ADI1: variants seen among roughly 807,000 people sequenced by gnomAD.
The protein encoded by ADI1 is acireductone dioxygenase 1.
A neutral mutation model predicts 18.7 loss-of-function variants in ADI1; 21 were observed. The observed-to-expected ratio is 1.13, with a 90% CI of 0.80 to 1.62. The LOEUF (loss-of-function observed/expected upper bound fraction) is 1.62. ADI1 is among the 40% of genes most tolerant of loss of function. ADI1 has a pLI of 0.00. For synonymous variants in ADI1, 90 were observed against 100.1 expected, an observed-to-expected ratio of 0.90 and a Z score of 0.60; for missense variants, 245 against 254.9, an observed-to-expected ratio of 0.96 and a Z score of 0.26.
chr2:3,516,618 T>C, intron 1 of ADI1: 8 of 653,450 alleles, frequency 1.2e-5, no homozygotes, highest in Non-Finnish European at 1.5e-5. Flanking sequence ...CACCTTAATC[T>C]TGGACTTCTT....
chr2:3,500,887 C>T lies in ADI1; in HGVS notation c.347G>A (p.Arg116Gln), dbSNP rs764517683. The change falls in exon 3 of 4, where the codon CGG becomes CAG. Residue 116 changes from arginine to glutamine, a missense_variant. Coordinates refer to ENST00000327435, the MANE Select transcript of ADI1 (RefSeq NM_018269.4). Reference protein sequence around the residue: ...DVRDKEDQWIRIFMEKGDMVT... With the variant: ...DVRDKEDQWIQIFMEKGDMVT... ...CATGTCTCCCTTCTCCATGAAGATC[C>T]GGATCCACTGGTCCTCCTTGTCCCT... 22 of 1,614,240 alleles carry T rather than the reference C, an allele frequency of 1.4e-5. No homozygotes were observed. The highest frequency in any genetic ancestry group is 2.2e-5 in the East Asian group (1 of 44,888).
chr2:3,504,357 G>A (rs1200851737), intron 2 of ADI1, among the ~76,000 whole-genome samples: 1 of 152,206 alleles, frequency 6.6e-6, no homozygotes, highest in East Asian at 1.9e-4. Flanking sequence ...AGTAATTCCA[G>A]AAAACAGCAA....
In ADI1 at chr2:3,498,433, G is replaced by A. The variant is rs1185242290; in HGVS notation, c.*530C>T. 6.6e-6 allele frequency: 1 copy of A among 152,180 alleles called. No homozygotes were observed. The highest frequency in any genetic ancestry group is 2.4e-5 in the African/African-American group (1 of 41,394). 9.4% of individuals were successfully genotyped at this position (152,180 alleles called of 1,614,324 possible). On this transcript the variant is annotated 3_prime_UTR_variant, in exon 4 of 4. Transcript: ENST00000327435. ...AATATCACATATACCTGAATATAAG[G>A]TAACTCCAAGCCATGAGTATAAGAT...
chr2:3,504,796 G>C (rs35239575), intron 2 of ADI1, among the ~76,000 whole-genome samples: 1 of 150,866 alleles, frequency 6.6e-6, no homozygotes, highest in Non-Finnish European at 1.5e-5. Context: ...TTGTATTGTT[G>C]GTTCACCTGA....
intron 2 of ADI1, among the ~76,000 whole-genome samples, chr2:3,509,255 G>A (rs943863987): frequency 2.0e-5 from 3 of 152,102 alleles, no homozygotes; most frequent in Non-Finnish European, 4.4e-5. Flanking sequence ...AATACTAACA[G>A]TAATTGACAT....
intron 1 of ADI1, among the ~76,000 whole-genome samples, chr2:3,518,420 T>C (rs1286484667): frequency 6.6e-6 from 1 of 152,210 alleles, no homozygotes; most frequent in East Asian, 1.9e-4. Context: ...GGCCCTCTCT[T>C]TTGCAGTAAA....
chr2:3,500,012 C>T (rs969090020), intron 3 of ADI1, among the ~76,000 whole-genome samples: 15 of 151,510 alleles, frequency 9.9e-5, no homozygotes, highest in African/African-American at 3.4e-4. Flanking sequence ...TTGCATTGAG[C>T]CGAGATCAAG....
intron 2 of ADI1, among the ~76,000 whole-genome samples, chr2:3,511,903 C>CTTG (rs1667302237): frequency 6.6e-6 from 1 of 152,224 alleles, no homozygotes; most frequent in Admixed American, 6.5e-5. Context: ...CAGCAAAGAA[C>CTTG]TTGGCTGCAT....
intron 2 of ADI1, among the ~76,000 whole-genome samples, chr2:3,506,351 G>A (rs1214695177): frequency 6.6e-6 from 1 of 152,224 alleles, no homozygotes; most frequent in Non-Finnish European, 1.5e-5. Context: ...ATCATGGCAA[G>A]TTTGCAGGAT....
chr2:3,514,544 G>A (rs571838638), intron 1 of ADI1, among the ~76,000 whole-genome samples: 4 of 152,240 alleles, frequency 2.6e-5, no homozygotes, highest in South Asian at 2.1e-4. Flanking sequence ...TAGGATGATC[G>A]GCTATCTTAA....
chr2:3,518,918 C>G (rs547162406), intron 1 of ADI1, among the ~76,000 whole-genome samples: 42 of 152,348 alleles, frequency 2.8e-4, no homozygotes, highest in Non-Finnish European at 4.9e-4. Flanking sequence ...CTGCGAGGCC[C>G]CTGACTCGCC....
chr2:3,511,083 T>C (rs1240995212), intron 2 of ADI1, among the ~76,000 whole-genome samples: 2 of 152,246 alleles, frequency 1.3e-5, no homozygotes, highest in Non-Finnish European at 2.9e-5. Flanking sequence ...GGATTTCTCA[T>C]GAATGGTTCA....
Position 3,502,199 on chromosome 2 carries a change from A to T in ADI1, c.241-1206T>A, listed in dbSNP as rs557238095. Reference sequence around the variant, plus strand: ...CACTACCATACCTGGCTAATTTTTTAAAAAAATTTTTTCTAGAGACAGGGT... The same window carrying T: ...CACTACCATACCTGGCTAATTTTTTTAAAAAATTTTTTCTAGAGACAGGGT... On this transcript the variant is annotated intron_variant, in intron 2 of 3. Transcript: ENST00000327435. 1.1e-3 allele frequency among the ~76,000 whole-genome samples: 160 copies of T among 151,816 alleles called. 1 individual carries two copies. Among genetic ancestry groups the T allele is most frequent in the Admixed American group, 1.3e-3 (20 of 15,226 alleles).
Position 3,498,894 on chromosome 2 carries a change from A to T in ADI1, c.*69T>A, listed in dbSNP as rs1354371390. 2.6e-6 allele frequency: 4 copies of T among 1,534,024 alleles called. No individual in the cohort carries two copies. Among genetic ancestry groups the T allele is most frequent in the Admixed American group, 2.0e-5 (1 of 50,716 alleles). ...ATCCTCTAAAAGCAAAGAGAAAGTG[A>T]TTGATTTTCTGCTCAGTCATTACAT... On this transcript the variant is annotated 3_prime_UTR_variant, in exon 4 of 4. Coordinates refer to ENST00000327435, the MANE Select transcript of ADI1 (RefSeq NM_018269.4).
intron 3 of ADI1, 168 bp downstream of exon 3, chr2:3,500,646 C>T (rs1211706162): frequency 1.9e-5 from 17 of 883,212 alleles, no homozygotes; most frequent in South Asian, 8.0e-5. Context: ...GCTGTCACCT[C>T]GGACATCGCC....
intron 3 of ADI1, 155 bp downstream of exon 3, chr2:3,500,659 C>T (rs769694531): frequency 8.5e-5 from 84 of 991,232 alleles, no homozygotes; most frequent in African/African-American, 6.6e-4. Flanking sequence ...ACATCGCCTG[C>T]GGCTCCACAG....
chr2:3,501,112 C>G, intron 2 of ADI1, 119 bp from the exon 3 acceptor site: 1 of 788,516 alleles, frequency 1.3e-6, no homozygotes, highest in Non-Finnish European at 1.9e-6. Context: ...GGACTTCTCT[C>G]CATAAAAATG....
rs370568046 is a variant in ADI1 at position 3,502,042 on chromosome 2, C to CACATA, written c.241-1050_241-1049insTATGT. 2.0e-4 allele frequency among the ~76,000 whole-genome samples: 9 copies of CACATA among 45,356 alleles called. No individual in the cohort carries two copies. The African/African-American group carries it at 2.5e-3, about 13-fold the overall frequency. The allele number at this position is 45,356 out of a possible 152,430, so 29.8% of individuals were successfully genotyped here. On this transcript the variant is annotated intron_variant, in intron 2 of 3. Coordinates refer to ENST00000327435, the MANE Select transcript of ADI1 (RefSeq NM_018269.4). ...ACACACACACACACACACACACACA[C>CACATA]AGAGACAGGGTTTCACTCTGTTGCT...
chr2:3,504,955 T>TCTGTTCACCTGTGTATGTTTGTATTG (rs1667143452), intron 2 of ADI1, among the ~76,000 whole-genome samples: 1 of 150,688 alleles, frequency 6.6e-6, no homozygotes, highest in Admixed American at 6.6e-5. Context: ...TGTTTGTATT[T>TCTGTTCACCTGTGTATGTTTGTATTG]TCTGTTCACC....
Sources: allele counts gnomAD v4.1 joint callset (sites outside exome capture counted in the v4.1 genomes callset), GRCh38; gene constraint gnomAD v4.1.1; transcripts MANE v1.5; gene names NCBI Gene and HGNC (gene_info 2026-07-23, HGNC 2026-07-21).